Variants in CACNA2D1 observed in about 807,000 individuals in gnomAD.
CACNA2D1 encodes calcium voltage-gated channel auxiliary subunit alpha2delta 1.
CACNA2D1 carries 53 observed loss-of-function variants against 171.5 expected under a neutral mutation model. The ratio of observed to expected loss-of-function variants is 0.31; its 90% CI spans 0.25 to 0.39. The LOEUF is 0.39. CACNA2D1 is among the 10% of genes least tolerant of loss of function. CACNA2D1 has a pLI of 1.00. For missense variants in CACNA2D1, 903 were observed against 1,299.8 expected, an observed-to-expected ratio of 0.69 and a Z score of 4.69; for synonymous variants, 442 against 443.1, an observed-to-expected ratio of 1.00 and a Z score of 0.03.
At chr7:82,408,456 T>C (rs1012225607) in intron 1 of CACNA2D1, among the ~76,000 whole-genome samples, 4 of 152,192 alleles carry the variant, frequency 2.6e-5, no homozygotes, top group African/African-American at 7.2e-5. Context: ...TAATGTATGA[T>C]ACTTTGTATG....
intron 1 of CACNA2D1, among the ~76,000 whole-genome samples, chr7:82,411,461 AGTACTC>A (rs1827650889): frequency 6.6e-6 from 1 of 152,210 alleles, no homozygotes; most frequent in Admixed American, 6.5e-5. Flanking sequence ...CTTGGTATCT[AGTACTC>A]AATAGATGAC....
At chr7:82,246,591 G>C (rs1312575049) in intron 3 of CACNA2D1, among the ~76,000 whole-genome samples, 1 of 152,022 alleles carries the variant, frequency 6.6e-6, no homozygotes, top group Non-Finnish European at 1.5e-5. Context: ...TGCAGAGTAG[G>C]GAGAATGTTG....
intron 3 of CACNA2D1, among the ~76,000 whole-genome samples, chr7:82,253,864 C>A (rs1188613222): frequency 6.6e-6 from 1 of 152,048 alleles, no homozygotes; most frequent in African/African-American, 2.4e-5. Context: ...TTTTAGATGG[C>A]AGATTTTTTT....
intron 23 of CACNA2D1, 125 bp downstream of exon 23, chr7:81,983,189 G>A: frequency 2.5e-6 from 2 of 792,016 alleles, no homozygotes; most frequent in South Asian, 3.2e-5. Flanking sequence ...TAAGTTTTGA[G>A]TGATCATGAA....
At chr7:82,390,041 G>A (rs750878409) in intron 1 of CACNA2D1, among the ~76,000 whole-genome samples, 2 of 152,168 alleles carry the variant, frequency 1.3e-5, no homozygotes, top group Non-Finnish European at 2.9e-5. Context: ...GAATAGGACA[G>A]AAGAAGCAAA....
At chr7:82,403,292 A>C (rs1435654507) in intron 1 of CACNA2D1, among the ~76,000 whole-genome samples, 1 of 152,214 alleles carries the variant, frequency 6.6e-6, no homozygotes, top group Non-Finnish European at 1.5e-5. Context: ...AATACATTTG[A>C]GAATTGTTAG....
intron 18 of CACNA2D1, among the ~76,000 whole-genome samples, chr7:82,000,136 G>C (rs1439186131): frequency 6.6e-6 from 1 of 152,030 alleles, no homozygotes; most frequent in African/African-American, 2.4e-5. Flanking sequence ...GCCAGCACCT[G>C]TAATCCCAGC....
chr7:82,072,787 C>T (rs548000412), intron 7 of CACNA2D1, among the ~76,000 whole-genome samples: 1 of 151,814 alleles, frequency 6.6e-6, no homozygotes, highest in South Asian at 2.1e-4. Flanking sequence ...GATAAATTAA[C>T]TTTTTTTTCA....
At chr7:82,331,969 T>C (rs889653127) in intron 3 of CACNA2D1, among the ~76,000 whole-genome samples, 1 of 152,206 alleles carries the variant, frequency 6.6e-6, no homozygotes, top group Admixed American at 6.5e-5. Flanking sequence ...GTATTCTCTC[T>C]CCAAAATTGA....
intron 3 of CACNA2D1, among the ~76,000 whole-genome samples, chr7:82,321,799 C>A (rs1162480189): frequency 6.6e-6 from 1 of 152,084 alleles, no homozygotes; most frequent in African/African-American, 2.4e-5. Flanking sequence ...TTCAATTAGA[C>A]AAGGACACAG....
At chr7:82,150,021 G>A (rs181245318) in intron 4 of CACNA2D1, among the ~76,000 whole-genome samples, 1 of 151,914 alleles carries the variant, frequency 6.6e-6, no homozygotes, top group East Asian at 2.0e-4. Flanking sequence ...CTGAGGAGAT[G>A]TGGGCAGGGA....
chr7:82,180,702 G>A (rs1797033035), intron 3 of CACNA2D1, among the ~76,000 whole-genome samples: 1 of 152,130 alleles, frequency 6.6e-6, no homozygotes, highest in African/African-American at 2.4e-5. Context: ...ATGTGGAGGT[G>A]AAACTAAAAT....
At chr7:82,367,058 C>T (rs1821821206) in intron 1 of CACNA2D1, among the ~76,000 whole-genome samples, 1 of 151,624 alleles carries the variant, frequency 6.6e-6, no homozygotes, top group Admixed American at 6.6e-5. Flanking sequence ...AGATATGTAC[C>T]ACCATGCCAG....
chr7:82,064,347 G>T lies in CACNA2D1; in HGVS notation c.736C>A (p.Gln246Lys). Residue 246 changes from glutamine to lysine, a missense_variant, in exon 9 of 39, where the codon CAA (glutamine) becomes AAA (lysine). By Grantham distance (53) the Gln-to-Lys change is moderately conservative (BLOSUM62 1). Around this residue, in one of 5 missense-constraint regions of CACNA2D1, gnomAD observed 189 missense variants for 266.8 expected, o/e 0.71. Transcript: ENST00000356860. ...ATGTCTTTAGGAGATGCAGCTCCTT[G>T]GATGTACCTGAAACAAATATTGTAA... ...YDVRRRPWYI[Q>K]GAASPKDMLI... The T allele has an allele frequency of 6.2e-7, 1 of 1,602,236 alleles. No homozygotes were observed. The highest frequency in any genetic ancestry group is 1.1e-5 in the South Asian group (1 of 90,732).
chr7:82,201,512 G>C (rs1799433492), intron 3 of CACNA2D1, among the ~76,000 whole-genome samples: 1 of 152,192 alleles, frequency 6.6e-6, no homozygotes, highest in Admixed American at 6.5e-5. Context: ...ACGACACTAA[G>C]TGTTGGACAA....
chr7:82,234,886 A>G (rs1222677080), intron 3 of CACNA2D1, among the ~76,000 whole-genome samples: 3 of 152,136 alleles, frequency 2.0e-5, no homozygotes, highest in African/African-American at 7.2e-5. Context: ...TACCTTCTGA[A>G]CTCACAACAG....
intron 10 of CACNA2D1, among the ~76,000 whole-genome samples, chr7:82,040,953 C>A (rs948108366): frequency 6.6e-6 from 1 of 150,498 alleles, no homozygotes; most frequent in Non-Finnish European, 1.5e-5. Flanking sequence ...CCAGCCTGGG[C>A]AACAAGAGCG....
chr7:82,251,343 A>G (rs572135043), intron 3 of CACNA2D1, among the ~76,000 whole-genome samples: 1 of 152,252 alleles, frequency 6.6e-6, no homozygotes, highest in African/African-American at 2.4e-5. Context: ...ACACAAAACT[A>G]TGTTTTGGGT....
At chr7:82,260,539 T>C (rs931992538) in intron 3 of CACNA2D1, among the ~76,000 whole-genome samples, 2 of 152,220 alleles carry the variant, frequency 1.3e-5, no homozygotes, top group African/African-American at 4.8e-5. Context: ...AATATGACTT[T>C]AAAGACATCA....
Sources: allele counts gnomAD v4.1 joint callset (sites outside exome capture counted in the v4.1 genomes callset), GRCh38; gene constraint gnomAD v4.1.1; regional missense constraint gnomAD v4.1.1; transcripts MANE v1.5; gene names NCBI Gene and HGNC (gene_info 2026-07-23, HGNC 2026-07-21).